The following CAPN3 variants were observed in gnomAD, a reference collection of about 807,000 sequenced individuals.
The protein encoded by CAPN3 is calpain-3.
A neutral mutation model predicts 114.0 loss-of-function variants in CAPN3; 88 were observed. The ratio of observed to expected loss-of-function variants is 0.77; its 90% CI spans 0.65 to 0.92. CAPN3 has a LOEUF of 0.92. Among genes scored for constraint, CAPN3 ranks in the 40% least tolerant of loss-of-function variants. CAPN3 has a pLI of 0.00. For missense variants in CAPN3, 1,028 were observed against 1,069.0 expected (o/e 0.96, Z 0.53); for synonymous variants, 386 against 382.9 (o/e 1.01, Z -0.09).
In CAPN3 at chr15:42,396,947, TC is replaced by T; in HGVS notation, c.1193+74del. 3.5e-6 allele frequency: 4 copies of T among 1,127,450 alleles called. No individual in the cohort carries two copies. In the South Asian group the frequency reaches 3.7e-5, roughly 10 times the overall value. 69.8% of individuals were successfully genotyped at this position (1,127,450 alleles called of 1,614,324 possible). On this transcript the variant is annotated intron_variant, in intron 9 of 23. Transcript: ENST00000397163. ...AGAGAGGGGAAATCTCAGACCTCAG[TC>T]CCCAGCTAAGGTTATCAGATTCCAG...
chr15:42,406,134 G>C (rs180696865), intron 15 of CAPN3, among the ~76,000 whole-genome samples, 191 bp downstream of exon 15: 36 of 152,268 alleles, frequency 2.4e-4, no homozygotes, highest in Non-Finnish European at 4.0e-4. Flanking sequence ...GGAAGGCTAC[G>C]TGCCAAGCAC....
rs1474624435 is a variant in CAPN3, at chr15:42,394,356, C to T, written c.1115+15C>T. 2 of 1,552,200 alleles carry T rather than the reference C, an allele frequency of 1.3e-6. No homozygotes were observed. The highest frequency in any genetic ancestry group is 1.2e-5 in the South Asian group (1 of 84,176). ...TGGAGTGATAGGTAGGTGAGGGGACCCCACGGGATTGGCGGTGGCGGGGAA... is the reference window on the plus strand; with the variant it reads ...TGGAGTGATAGGTAGGTGAGGGGACTCCACGGGATTGGCGGTGGCGGGGAA... On this transcript the variant is annotated intron_variant, in intron 8 of 23. Coordinates refer to ENST00000397163, the MANE Select transcript of CAPN3 (RefSeq NM_000070.3).
At chr15:42,366,828 C>T (rs867662710) in intron 1 of CAPN3, among the ~76,000 whole-genome samples, 15 of 127,812 alleles carry the variant, frequency 1.2e-4, no homozygotes, top group East Asian at 1.1e-3. Context: ...TCTTTTTTTT[C>T]TTTTTTTTTT....
intron 11 of CAPN3, 39 bp downstream of exon 11, chr15:42,401,849 T>C: frequency 6.3e-7 from 1 of 1,594,448 alleles, no homozygotes; most frequent in African/African-American, 1.3e-5. Context: ...GGAAACATAC[T>C]TTCCCAGGGA....
At chr15:42,380,192 A>G (rs1309989360) in intron 1 of CAPN3, among the ~76,000 whole-genome samples, 1 of 152,074 alleles carries the variant, frequency 6.6e-6, no homozygotes, top group Non-Finnish European at 1.5e-5. Context: ...TAATTGGTGT[A>G]TTTTGATCAT....
intron 16 of CAPN3, 106 bp from the exon 17 acceptor site, chr15:42,409,197 C>T (rs559027639): frequency 6.1e-6 from 6 of 990,624 alleles, no homozygotes; most frequent in Non-Finnish European, 9.5e-6. Flanking sequence ...CCTGCTGCCA[C>T]CTCCGGCCGT....
At position 42,410,443 on chromosome 15, in the gene CAPN3, A is replaced by T; in HGVS notation, c.2131A>T (p.Lys711Ter). The change falls in exon 20 of 24, where the codon AAG becomes TAG. Residue 711 changes from lysine (K) to a stop codon, truncating the protein, a stop_gained. Transcript: ENST00000397163. LOFTEE classifies it high-confidence loss of function. ...IALMDTDGSG[K>*]LNLQEFHHLW... is the part of the protein sequence containing the mutation. ...CCTCCTCCAGACAGATGGCTCTGGA[A>T]AGCTCAACCTGCAGGAGTTCCACCA... 1 of 1,614,118 alleles carries T rather than the reference A, an allele frequency of 6.2e-7. No homozygotes were observed. Among genetic ancestry groups the T allele is most frequent in the Non-Finnish European group, 8.5e-7 (1 of 1,179,984 alleles).
Position 42,387,854 on chromosome 15 carries a change from C to G in CAPN3, c.600C>G (p.Phe200Leu), listed in dbSNP as rs775504869. 3 of 1,614,126 alleles carry G rather than the reference C, an allele frequency of 1.9e-6. No homozygotes were observed. The highest frequency in any genetic ancestry group is 2.5e-6 in the Non-Finnish European group (3 of 1,179,988). Residue 200 changes from phenylalanine (F) to leucine (L), a missense_variant, in exon 4 of 24, where the codon TTC (phenylalanine) becomes TTG (leucine). By Grantham distance (22) the Phe-to-Leu change is conservative (BLOSUM62 0). Coordinates refer to ENST00000397163, the MANE Select transcript of CAPN3 (RefSeq NM_000070.3). ...CCAAGTCCAACCACCGCAATGAGTT[C>G]TGGAGTGCTCTGCTGGAGAAGGCTT... is the stretch of plus-strand genomic sequence containing the variant. ...VFTKSNHRNE[F>L]WSALLEKAYA...
intron 15 of CAPN3, among the ~76,000 whole-genome samples, chr15:42,406,755 C>T (rs1173608813): frequency 6.6e-6 from 1 of 152,156 alleles, no homozygotes; most frequent in Non-Finnish European, 1.5e-5. Flanking sequence ...CCAGTGTGTG[C>T]CTGGCAGGGA....
At chr15:42,408,403 G>C (rs2054091447) in intron 16 of CAPN3, 79 bp downstream of exon 16, 1 of 867,368 alleles carries the variant, frequency 1.2e-6, no homozygotes, top group African/African-American at 1.6e-5. Context: ...ACAGGGGCTG[G>C]AGGCTTCCCA....
At chr15:42,374,643 G>T (rs2141132981) in intron 1 of CAPN3, 1 of 152,186 alleles carries the variant, frequency 6.6e-6, no homozygotes, top group South Asian at 2.1e-4. Flanking sequence ...CTTATCAAGG[G>T]TCTCTTTATC....
rs770723094 is a variant in CAPN3 at position 42,410,880 on chromosome 15, A to G, written c.2264-4A>G. On this transcript the variant is annotated splice_polypyrimidine_tract_variant and splice_region_variant and intron_variant, in intron 21 of 23. Coordinates refer to ENST00000397163, the MANE Select transcript of CAPN3 (RefSeq NM_000070.3). ...GTCCACCTCTAACATGGTCCCCTCC[A>G]CAGGATTCCACCTCAACAACCAGCT... is the stretch of plus-strand genomic sequence containing the variant. 4.3e-6 allele frequency: 7 copies of G among 1,611,524 alleles called. No homozygotes were observed. The South Asian group carries it at 7.7e-5, about 18-fold the overall frequency.
Position 42,412,110 on chromosome 15 carries a change from T to TG in CAPN3, c.*339dup, listed in dbSNP as rs2054276631. 6.5e-7 allele frequency: 1 copy of TG among 1,535,634 alleles called. No individual in the cohort carries two copies. The highest frequency in any genetic ancestry group is 2.0e-5 in the Admixed American group (1 of 50,976). On this transcript the variant is annotated 3_prime_UTR_variant, in exon 24 of 24. Transcript: ENST00000397163. ...GGCTGTCTGCAGAAGCACCTGCCGG[T>TG]GGCACTCAGCACCTCCTTGTGCTAG...
chr15:42,412,225 G>A lies in CAPN3; in HGVS notation c.*452G>A. On this transcript the variant is annotated 3_prime_UTR_variant, in exon 24 of 24. Coordinates refer to ENST00000397163, the MANE Select transcript of CAPN3 (RefSeq NM_000070.3). ...TGCTGTGGGGTAAACTAACTCAGTGGAATAGGGCTGGTTACTTTGGGCTGT... is the reference window on the plus strand; with the variant it reads ...TGCTGTGGGGTAAACTAACTCAGTGAAATAGGGCTGGTTACTTTGGGCTGT... The A allele has an allele frequency of 6.6e-7, 1 of 1,525,480 alleles. No individual in the cohort carries two copies. Among genetic ancestry groups the A allele is most frequent in the South Asian group, 1.2e-5 (1 of 83,580 alleles). The allele number at this position is 1,525,480 out of a possible 1,614,324, so 94.5% of individuals were successfully genotyped here. A position where few individuals can be genotyped will look rare whatever the true frequency, so the allele number is the denominator to read the frequency against.
At chr15:42,401,035 G>C (rs1379118555) in intron 10 of CAPN3, among the ~76,000 whole-genome samples, 5 of 151,938 alleles carry the variant, frequency 3.3e-5, no homozygotes, top group African/African-American at 1.2e-4. Flanking sequence ...CTCTACTAAA[G>C]ATACAAAAAT....
chr15:42,393,365 G>T (rs767081512), intron 7 of CAPN3, among the ~76,000 whole-genome samples: 1 of 152,054 alleles, frequency 6.6e-6, no homozygotes, highest in Admixed American at 6.6e-5. Flanking sequence ...CCATGGATAC[G>T]AGAGGCTGAC....
chr15:42,389,176 C>A, intron 5 of CAPN3, 80 bp downstream of exon 5: 1 of 1,360,582 alleles, frequency 7.3e-7, no homozygotes, highest in Non-Finnish European at 1.0e-6. Flanking sequence ...CAGCATAGAG[C>A]TTTTGTGTGG....
intron 12 of CAPN3, 31 bp from the exon 13 acceptor site, chr15:42,402,757 AGGGGCT>A: frequency 1.2e-6 from 2 of 1,604,926 alleles, no homozygotes; most frequent in Non-Finnish European, 1.7e-6. Flanking sequence ...GTTCCTCCCG[AGGGGCT>A]CATGTGCCCT....
At position 42,392,607 on chromosome 15, in the gene CAPN3, C is replaced by T. The variant is rs367890151; in HGVS notation, c.946-32C>T. On this transcript the variant is annotated intron_variant, in intron 6 of 23. Transcript: ENST00000397163. Reference sequence around the variant, plus strand: ...AGCAGCAGAACTTCTGTTCCCCCGCCCCTAATGGGTTCTCTGGTTACTGCT... The same window carrying T: ...AGCAGCAGAACTTCTGTTCCCCCGCTCCTAATGGGTTCTCTGGTTACTGCT... The T allele has an allele frequency of 4.5e-6, 7 of 1,553,868 alleles. No individual in the cohort carries two copies. The African/African-American group carries it at 5.4e-5, about 12-fold the overall frequency.
Sources: gnomAD v4.1 joint callset for allele counts (sites outside exome capture counted in the v4.1 genomes callset) on GRCh38, gnomAD v4.1.1 for gene constraint, MANE v1.5 for transcripts, NCBI Gene and HGNC (gene_info 2026-07-23, HGNC 2026-07-21) for gene names.